The following SNTG1 variants were observed in gnomAD, a reference collection of about 807,000 sequenced individuals.
SNTG1 encodes syntrophin gamma 1.
In SNTG1, 39 loss-of-function variants were observed where a neutral mutation model predicts 74.7. The ratio of observed to expected loss-of-function variants is 0.52; its 90% confidence interval spans 0.40 to 0.68. The LOEUF is 0.68. SNTG1 is among the 30% of genes least tolerant of loss of function. The pLI, the probability that SNTG1 is intolerant of heterozygous loss-of-function variation, is 0.00. For synonymous variants in SNTG1, 254 were observed against 217.1 expected, an observed-to-expected ratio of 1.17 and a Z score of -1.49; for missense variants, 685 against 609.5, an observed-to-expected ratio of 1.12 and a Z score of -1.30.
At chr8:50,456,615 A>C (rs748804741) in intron 8 of SNTG1, among the ~76,000 whole-genome samples, 23 of 152,164 alleles carry the variant, frequency 1.5e-4, no homozygotes, top group Non-Finnish European at 2.5e-4. Flanking sequence ...CATGAGAGTG[A>C]AACACTCCTG....
intron 8 of SNTG1, among the ~76,000 whole-genome samples, chr8:50,472,950 A>G (rs1482419305): frequency 6.6e-6 from 1 of 152,172 alleles, no homozygotes; most frequent in Admixed American, 6.6e-5. Flanking sequence ...ACTAATCGTT[A>G]GGGAAATTCA....
intron 15 of SNTG1, among the ~76,000 whole-genome samples, chr8:50,700,890 A>G (rs2095421266): frequency 1.3e-5 from 2 of 152,202 alleles, no homozygotes; most frequent in Admixed American, 1.3e-4. Context: ...AGAAGTTTTC[A>G]GAGATGCTGA....
rs182128482 is a variant in SNTG1 at position 50,654,064 on chromosome 8, T to C, written c.850-2845T>C. Among the ~76,000 whole-genome samples, 394 of 152,312 alleles carry C rather than the reference T, an allele frequency of 2.6e-3. 6 individuals carry two copies. Among genetic ancestry groups the C allele is most frequent in the Non-Finnish European group, 6.9e-4 (47 of 68,020 alleles). ...ACATGCCAAAGTGCCTTGGTGTGCT[T>C]ATATTTATCTAGCTTTTGTTTTGTT... is the stretch of plus-strand genomic sequence containing the variant. On this transcript the variant is annotated intron_variant, in intron 13 of 18. Transcript: ENST00000642720.
chr8:50,260,282 A>G (rs28480244), intron 2 of SNTG1, among the ~76,000 whole-genome samples: 35 of 152,272 alleles, frequency 2.3e-4, no homozygotes, highest in African/African-American at 7.7e-4. Flanking sequence ...AAACTTCCAC[A>G]TTGTATTAAG....
chr8:50,558,924 G>T (rs900965582), intron 12 of SNTG1, among the ~76,000 whole-genome samples: 1 of 151,998 alleles, frequency 6.6e-6, no homozygotes, highest in Admixed American at 6.5e-5. Context: ...TTGAATACTT[G>T]CCTATGATGT....
intron 18 of SNTG1, among the ~76,000 whole-genome samples, chr8:50,778,404 G>A (rs1366059102): frequency 3.9e-5 from 6 of 152,026 alleles, no homozygotes; most frequent in Non-Finnish European, 8.8e-5. Context: ...TCTAACTGGT[G>A]TGAGATGGTA....
chr8:50,277,143 T>G (rs1171116558), intron 2 of SNTG1, among the ~76,000 whole-genome samples: 2 of 152,046 alleles, frequency 1.3e-5, no homozygotes, highest in Non-Finnish European at 2.9e-5. Flanking sequence ...GGTGCATTTT[T>G]GTAGTTCCAG....
intron 1 of SNTG1, among the ~76,000 whole-genome samples, chr8:49,969,874 G>T (rs1242026413): frequency 6.6e-6 from 1 of 151,710 alleles, no homozygotes; most frequent in Non-Finnish European, 1.5e-5. Flanking sequence ...CACTCAAAAT[G>T]CTGTTATAGA....
chr8:50,355,418 C>A lies in SNTG1; in HGVS notation c.-27-38794C>A, dbSNP rs1041222121. Among the ~76,000 whole-genome samples the A allele has an allele frequency of 2.6e-5, 4 of 152,186 alleles. No homozygotes were observed. The South Asian group carries it at 6.2e-4, about 24-fold the overall frequency. On this transcript the variant is annotated intron_variant, in intron 2 of 18. Transcript: ENST00000642720. ...TGTAAGATCTCCTAATGTTCTCCTA[C>A]CACCCCTGCCTAAATTTGATAATTA...
chr8:49,976,890 A>C (rs1482388538), intron 1 of SNTG1, among the ~76,000 whole-genome samples: 1 of 152,216 alleles, frequency 6.6e-6, no homozygotes, highest in Non-Finnish European at 1.5e-5. Context: ...CATTCTGGCT[A>C]CTATGTGCAG....
chr8:49,955,514 T>C (rs922405332), intron 1 of SNTG1, among the ~76,000 whole-genome samples: 2 of 152,310 alleles, frequency 1.3e-5, no homozygotes, highest in Admixed American at 1.3e-4. Flanking sequence ...CAGTTACAAA[T>C]CCACTGGGAG....
Position 50,730,221 on chromosome 8 carries a change from C to T in SNTG1, c.1284+21243C>T, listed in dbSNP as rs549614012. Among the ~76,000 whole-genome samples, 3 of 152,034 alleles carry T rather than the reference C, an allele frequency of 2.0e-5. No individual in the cohort carries two copies. In the East Asian group the frequency reaches 5.8e-4, roughly 29 times the overall value. On this transcript the variant is annotated intron_variant, in intron 17 of 18. Coordinates refer to ENST00000642720, the MANE Select transcript of SNTG1 (RefSeq NM_018967.5). Reference sequence around the variant, plus strand: ...CTATATTTGGAAAAACAAAGAGAACCGTGGAAAGACATGCTTAGTTTTCTC... The same window carrying T: ...CTATATTTGGAAAAACAAAGAGAACTGTGGAAAGACATGCTTAGTTTTCTC...
intron 15 of SNTG1, among the ~76,000 whole-genome samples, chr8:50,665,791 T>C (rs1018485261): frequency 5.3e-5 from 8 of 152,062 alleles, no homozygotes; most frequent in African/African-American, 7.2e-5. Flanking sequence ...GCAAATAAAA[T>C]AGGAAACCAT....
intron 13 of SNTG1, among the ~76,000 whole-genome samples, chr8:50,620,571 A>G (rs973880061): frequency 6.6e-6 from 1 of 152,130 alleles, no homozygotes; most frequent in African/African-American, 2.4e-5. Context: ...AGCTCCAGAT[A>G]TTTGCTGGGG....
chr8:50,140,957 G>T (rs757331028), intron 1 of SNTG1, among the ~76,000 whole-genome samples: 26 of 152,116 alleles, frequency 1.7e-4, no homozygotes, highest in Non-Finnish European at 3.4e-4. Context: ...TGTGCTCATT[G>T]TCTGGTTTCC....
intron 2 of SNTG1, among the ~76,000 whole-genome samples, chr8:50,239,748 T>C (rs2086085044): frequency 6.6e-6 from 1 of 152,228 alleles, no homozygotes; most frequent in African/African-American, 2.4e-5. Flanking sequence ...ATGTTCTTCA[T>C]AGTTTTGTTT....
Position 50,491,648 on chromosome 8 carries a change from G to A in SNTG1, c.364-11130G>A, listed in dbSNP as rs139804831. 5.1e-4 allele frequency among the ~76,000 whole-genome samples: 78 copies of A among 152,318 alleles called. 2 individuals carry two copies. In the East Asian group the frequency reaches 0.014, roughly 28 times the overall value. ...GGCTGAGCTTAGAGGGGCACCCAGC[G>A]CTGCTGGAGCCGCCCATGCTGCAAA... On this transcript the variant is annotated intron_variant, in intron 8 of 18. Coordinates refer to ENST00000642720, the MANE Select transcript of SNTG1 (RefSeq NM_018967.5).
chr8:50,649,357 G>T (rs2095130076), intron 13 of SNTG1, among the ~76,000 whole-genome samples: 1 of 152,074 alleles, frequency 6.6e-6, no homozygotes. Flanking sequence ...AAATTAGCCG[G>T]ACGTTATGGT....
intron 1 of SNTG1, among the ~76,000 whole-genome samples, chr8:50,129,094 A>T (rs958397755): frequency 2.0e-5 from 3 of 152,180 alleles, no homozygotes; most frequent in African/African-American, 7.2e-5. Flanking sequence ...CTTAACTGAT[A>T]GCATTAAACT....
Sources: allele counts gnomAD v4.1 joint callset (sites outside exome capture counted in the v4.1 genomes callset), GRCh38; gene constraint gnomAD v4.1.1; transcripts MANE v1.5; gene names NCBI Gene and HGNC (gene_info 2026-07-23, HGNC 2026-07-21).